The following RCN2 variants were observed in gnomAD, a reference collection of about 807,000 sequenced individuals.
RCN2 encodes the protein reticulocalbin-2.
In RCN2, 23 loss-of-function variants were observed where a neutral mutation model predicts 37.5. That is an observed-to-expected ratio of 0.61 (90% CI 0.44 to 0.87). The LOEUF (loss-of-function observed/expected upper bound fraction) is 0.87, where lower values mean the gene tolerates loss of function less well. Among genes scored for constraint, RCN2 ranks in the 40% least tolerant of loss-of-function variants. RCN2 has a pLI of 0.00. For synonymous variants in RCN2, 140 were observed against 144.6 expected, an observed-to-expected ratio of 0.97 and a Z score of 0.23; for missense variants, 381 against 390.4, an observed-to-expected ratio of 0.98 and a Z score of 0.20.
intron 3 of RCN2, among the ~76,000 whole-genome samples, chr15:76,939,070 C>G (rs933051741): frequency 2.6e-5 from 4 of 151,994 alleles, no homozygotes; most frequent in Non-Finnish European, 5.9e-5. Context: ...AATGCCCAAA[C>G]AAAATTTAAA....
At chr15:76,948,194 A>G (rs567397124) in intron 5 of RCN2, 321 of 375,328 alleles carry the variant, frequency 8.6e-4, no homozygotes, top group Admixed American at 7.6e-4. Context: ...AAAACATCCA[A>G]TGATTTTAAA....
chr15:76,947,250 A>G (rs2075300142), intron 4 of RCN2, among the ~76,000 whole-genome samples, 171 bp from the exon 5 acceptor site: 1 of 152,202 alleles, frequency 6.6e-6, no homozygotes. Context: ...GAAGATATGG[A>G]CAACCAAAGT....
At chr15:76,946,834 T>G (rs1730790524) in intron 4 of RCN2, among the ~76,000 whole-genome samples, 1 of 152,004 alleles carries the variant, frequency 6.6e-6, no homozygotes, top group Admixed American at 6.6e-5. Context: ...GGAAAAGGAT[T>G]GGTTGTTTGA....
chr15:76,946,006 A>AG (rs1411203665), intron 4 of RCN2, among the ~76,000 whole-genome samples: 1 of 152,368 alleles, frequency 6.6e-6, no homozygotes, highest in Non-Finnish European at 1.5e-5. Context: ...AAGACTAAAG[A>AG]GGGGAATTAC....
At position 76,953,593 on chromosome 15, in the gene RCN2, A is replaced by G. The variant is rs1378970155; in HGVS notation, c.*4371A>G. ...TATATATATATATATATATATATAT[A>G]TTTTTTTTTTTTTTTTTTTTTTTTT... On this transcript the variant is annotated 3_prime_UTR_variant, in exon 7 of 7. Coordinates refer to ENST00000394885, the MANE Select transcript of RCN2 (RefSeq NM_002902.3). 2.0e-4 allele frequency: 2 copies of G among 9,834 alleles called. No individual in the cohort carries two copies. The highest frequency in any genetic ancestry group is 1.9e-4 in the Non-Finnish European group (1 of 5,278). 0.6% of individuals were successfully genotyped at this position (9,834 alleles called of 1,614,324 possible).
chr15:76,944,064 CT>C (rs1207131843), intron 4 of RCN2, among the ~76,000 whole-genome samples, 193 bp downstream of exon 4: 10 of 131,560 alleles, frequency 7.6e-5, no homozygotes, highest in South Asian at 2.4e-4. Context: ...GCGATCTCGG[CT>C]TACTGCAAGC....
intron 2 of RCN2, among the ~76,000 whole-genome samples, chr15:76,933,498 T>C (rs2075233774): frequency 6.6e-6 from 1 of 152,218 alleles, no homozygotes; most frequent in South Asian, 2.1e-4. Flanking sequence ...TATACTAGAG[T>C]AATCAAAGAA....
At chr15:76,947,076 A>C (rs916694155) in intron 4 of RCN2, among the ~76,000 whole-genome samples, 1 of 152,162 alleles carries the variant, frequency 6.6e-6, no homozygotes, top group Non-Finnish European at 1.5e-5. Flanking sequence ...CTTGAGAGGG[A>C]GAGATGTGCG....
At position 76,950,071 on chromosome 15, in the gene RCN2, A is replaced by G. The variant is rs2075313358; in HGVS notation, c.*849A>G. On this transcript the variant is annotated 3_prime_UTR_variant, in exon 7 of 7. Coordinates refer to ENST00000394885, the MANE Select transcript of RCN2 (RefSeq NM_002902.3). ...TATTTTTTTTTTAAATAAGAGAATC[A>G]TGTTATAATATAATTGAATGTGCAC... is the stretch of plus-strand genomic sequence containing the variant. 1 of 152,108 alleles carries G rather than the reference A, an allele frequency of 6.6e-6. No individual in the cohort carries two copies. The highest frequency in any genetic ancestry group is 6.6e-5 in the Admixed American group (1 of 15,252). The allele number at this position is 152,108 out of a possible 1,614,324, so 9.4% of individuals were successfully genotyped here. A position where few individuals can be genotyped will look rare whatever the true frequency, so the allele number is the denominator to read the frequency against.
At chr15:76,935,486 A>G (rs768668473) in intron 2 of RCN2, 40 bp from the exon 3 acceptor site, 16 of 1,502,640 alleles carry the variant, frequency 1.1e-5, no homozygotes, top group Non-Finnish European at 1.4e-5. Flanking sequence ...AAGTATCAGA[A>G]TTAACGTCAC....
At chr15:76,933,971 G>A (rs567615464) in intron 2 of RCN2, among the ~76,000 whole-genome samples, 2 of 152,246 alleles carry the variant, frequency 1.3e-5, no homozygotes, top group South Asian at 4.2e-4. Flanking sequence ...CTGAACCTCA[G>A]TTTCCTCACC....
At chr15:76,935,821 T>C (rs576609211) in intron 3 of RCN2, 99 bp downstream of exon 3, 8 of 856,682 alleles carry the variant, frequency 9.3e-6, no homozygotes, top group African/African-American at 8.7e-5. Context: ...ATAAGCTGGA[T>C]TGTCTTGTTC....
Position 76,932,065 on chromosome 15 carries a change from G to A in RCN2, c.144+80G>A, listed in dbSNP as rs551931641. Reference sequence around the variant, plus strand: ...GGGCTTTGTCCCGGGACAAAGGGGGGCGGCCGGGCGAGGCCTGGCAGGGGC... The same window carrying A: ...GGGCTTTGTCCCGGGACAAAGGGGGACGGCCGGGCGAGGCCTGGCAGGGGC... On this transcript the variant is annotated intron_variant, in intron 1 of 6. Coordinates refer to ENST00000394885, the MANE Select transcript of RCN2 (RefSeq NM_002902.3). The A allele has an allele frequency of 3.4e-3, 4,115 of 1,225,050 alleles. 6 individuals are homozygous for A. Among genetic ancestry groups the A allele is most frequent in the Non-Finnish European group, 3.8e-3 (3,714 of 974,188 alleles). 75.9% of individuals were successfully genotyped at this position (1,225,050 alleles called of 1,614,324 possible).
In RCN2 at chr15:76,949,572, A is replaced by T. The variant is rs1047900381; in HGVS notation, c.*350A>T. The T allele has an allele frequency of 6.3e-6, 1 of 159,584 alleles. No homozygotes were observed. Among genetic ancestry groups the T allele is most frequent in the Non-Finnish European group, 1.4e-5 (1 of 72,850 alleles). The allele number at this position is 159,584 out of a possible 1,614,324, so 9.9% of individuals were successfully genotyped here. A position where few individuals can be genotyped will look rare whatever the true frequency, so the allele number is the denominator to read the frequency against. ...GCCTGAACAATATTATTTAAGTAGTATGTGACCGAGCTATAAATTTTTGTT... is the reference window on the plus strand; with the variant it reads ...GCCTGAACAATATTATTTAAGTAGTTTGTGACCGAGCTATAAATTTTTGTT... On this transcript the variant is annotated 3_prime_UTR_variant, in exon 7 of 7. Transcript: ENST00000394885.
Position 76,953,766 on chromosome 15 carries a change from C to CGG in RCN2, c.*4544_*4545insGG. The stretch of plus-strand genomic sequence containing the variant: ...GGGACTATAGGCGCCTGCCACCGCA[C>CGG]CCGGCTAATTTTTTGTATTTTTAGT... On this transcript the variant is annotated 3_prime_UTR_variant, in exon 7 of 7. Coordinates refer to ENST00000394885, the MANE Select transcript of RCN2 (RefSeq NM_002902.3). 7.1e-6 allele frequency: 1 copy of CGG among 141,686 alleles called. No homozygotes were observed. Among genetic ancestry groups the CGG allele is most frequent in the African/African-American group, 2.5e-5 (1 of 39,756 alleles). The allele number at this position is 141,686 out of a possible 1,614,324, so 8.8% of individuals were successfully genotyped here.
intron 2 of RCN2, among the ~76,000 whole-genome samples, chr15:76,933,747 C>T (rs1322235851): frequency 6.6e-6 from 1 of 152,160 alleles, no homozygotes; most frequent in Non-Finnish European, 1.5e-5. Flanking sequence ...CCATGGTGAT[C>T]TCTTTAAATA....
In RCN2 at chr15:76,951,988, CCTTA is replaced by C. The variant is rs2075322873; in HGVS notation, c.*2771_*2774del. ...AGGAAAAGCTAGCATATCATGTTTG[CCTTA>C]CTTAGTTCTTTCCTTTGCAGTTTTA... On this transcript the variant is annotated 3_prime_UTR_variant, in exon 7 of 7. Transcript: ENST00000394885. 6.6e-6 allele frequency: 1 copy of C among 150,786 alleles called. No individual in the cohort carries two copies. Among genetic ancestry groups the C allele is most frequent in the Non-Finnish European group, 1.5e-5 (1 of 67,906 alleles). 9.3% of individuals were successfully genotyped at this position (150,786 alleles called of 1,614,324 possible).
chr15:76,938,596 A>G, intron 3 of RCN2: 1 of 398,964 alleles, frequency 2.5e-6, no homozygotes, highest in South Asian at 1.7e-5. Context: ...TGTACCTGTT[A>G]AACAACACCC....
chr15:76,941,857 C>G (rs1486222077), intron 3 of RCN2: 1 of 429,748 alleles, frequency 2.3e-6, no homozygotes, highest in Non-Finnish European at 4.1e-6. Flanking sequence ...GAAACATGGA[C>G]CTTTTTGCTC....
Sources: allele counts gnomAD v4.1 joint callset (sites outside exome capture counted in the v4.1 genomes callset), GRCh38; gene constraint gnomAD v4.1.1; transcripts MANE v1.5; gene names NCBI Gene and HGNC (gene_info 2026-07-23, HGNC 2026-07-21).